The following FARP1 variants were observed in gnomAD, a reference collection of about 807,000 sequenced individuals.
FARP1 encodes FERM, ARHGEF and pleckstrin domain-containing protein 1.
A neutral mutation model predicts 128.8 loss-of-function variants in FARP1; 52 were observed. The observed-to-expected ratio is 0.40, with a 90% confidence interval of 0.32 to 0.51. The LOEUF (loss-of-function observed/expected upper bound fraction) is 0.51. Ranked by LOEUF, FARP1 falls within the 20% of genes least tolerant of loss-of-function variation. FARP1 has a pLI of 0.45. For missense variants in FARP1, 1,333 were observed against 1,367.9 expected (o/e 0.97, Z 0.40); for synonymous variants, 580 against 551.8 (o/e 1.05, Z -0.72).
chr13:98,146,748 G>T (rs1019348363), intron 1 of FARP1, among the ~76,000 whole-genome samples: 8 of 152,214 alleles, frequency 5.3e-5, no homozygotes, highest in Admixed American at 6.5e-5. Context: ...GTTACCGTTT[G>T]CCTGGGAAGG....
chr13:98,438,069 C>G (rs1217875190), intron 19 of FARP1, among the ~76,000 whole-genome samples: 1 of 152,130 alleles, frequency 6.6e-6, no homozygotes, highest in East Asian at 1.9e-4. Flanking sequence ...CACACATGCT[C>G]AAGTGTTTGT....
At chr13:98,197,094 G>A (rs772127051) in intron 1 of FARP1, among the ~76,000 whole-genome samples, 10 of 152,160 alleles carry the variant, frequency 6.6e-5, no homozygotes, top group Non-Finnish European at 8.8e-5. Context: ...TTCCCAACTT[G>A]AAGGAAGCCC....
chr13:98,415,293 C>T (rs1161796657), intron 16 of FARP1, among the ~76,000 whole-genome samples: 2 of 152,164 alleles, frequency 1.3e-5, no homozygotes, highest in Admixed American at 6.5e-5. Flanking sequence ...TTGGGGTGAT[C>T]GTGATGAATA....
intron 1 of FARP1, among the ~76,000 whole-genome samples, chr13:98,205,884 A>G (rs1347982187): frequency 6.6e-6 from 1 of 152,094 alleles, no homozygotes; most frequent in East Asian, 1.9e-4. Flanking sequence ...ATGTCTTCCC[A>G]TAGCTTCCCT....
At chr13:98,184,407 C>T (rs9556900) in intron 1 of FARP1, among the ~76,000 whole-genome samples, 16,484 of 152,164 alleles carry the variant, frequency 0.11, 1,780 homozygotes, top group East Asian at 0.57. Flanking sequence ...CCACCACGCC[C>T]GGCTGCCTTT....
intron 11 of FARP1, among the ~76,000 whole-genome samples, chr13:98,392,323 CAAAAAAAAAA>C (rs11289484): frequency 1.7e-5 from 1 of 60,410 alleles, no homozygotes; most frequent in African/African-American, 6.6e-5. Flanking sequence ...CATCTCTACC[CAAAAAAAAAA>C]AAAAAAAAAA....
At chr13:98,367,183 T>A (rs1431986045) in intron 4 of FARP1, among the ~76,000 whole-genome samples, 1 of 151,394 alleles carries the variant, frequency 6.6e-6, no homozygotes, top group Non-Finnish European at 1.5e-5. Context: ...TGAGATGGAG[T>A]CTTGCTCTCT....
At chr13:98,181,647 A>ATTT in intron 1 of FARP1, among the ~76,000 whole-genome samples, 2 of 146,134 alleles carry the variant, frequency 1.4e-5, no homozygotes, top group Admixed American at 6.9e-5. Flanking sequence ...TTTATTTGAG[A>ATTT]GAGAGAGAGA....
chr13:98,412,541 G>GT (rs760076867), intron 16 of FARP1, among the ~76,000 whole-genome samples: 3 of 152,230 alleles, frequency 2.0e-5, no homozygotes, highest in African/African-American at 7.2e-5. Flanking sequence ...ATAAGGATCT[G>GT]TTTTAATACA....
intron 25 of FARP1, 133 bp downstream of exon 25, chr13:98,446,338 G>T (rs1055473601): frequency 1.6e-6 from 1 of 637,658 alleles, no homozygotes; most frequent in Non-Finnish European, 2.8e-6. Flanking sequence ...GGATGCTGGC[G>T]GGGGGCCCTG....
At chr13:98,383,157 C>T (rs74108874) in intron 6 of FARP1, among the ~76,000 whole-genome samples, 8,500 of 152,202 alleles carry the variant, frequency 0.056, 702 homozygotes, top group African/African-American at 0.18. Context: ...ATAACTGCCT[C>T]GAATAATGAG....
rs748268963 is a variant in FARP1 at position 98,446,840 on chromosome 13, C to T, written c.3056+23C>T. On this transcript the variant is annotated intron_variant, in intron 26 of 26. Coordinates refer to ENST00000319562, the MANE Select transcript of FARP1 (RefSeq NM_005766.4). Reference sequence around the variant, plus strand: ...AAGGTAGACACCCCCTTCCCACGCACAGGGCCCTGCAGAAGAGGACCCCCT... The same window carrying T: ...AAGGTAGACACCCCCTTCCCACGCATAGGGCCCTGCAGAAGAGGACCCCCT... 1.9e-6 allele frequency: 3 copies of T among 1,612,748 alleles called. No homozygotes were observed. The African/African-American group carries it at 4.0e-5, about 21-fold the overall frequency.
rs1889739139 is a variant in FARP1 at position 98,379,014 on chromosome 13, T to G, written c.496+1096T>G. On this transcript the variant is annotated intron_variant, in intron 6 of 26. Transcript: ENST00000319562. ...TATATATAATATATACAATATATAA[T>G]CTATATATAATATATATAATATATA... 2.3e-5 allele frequency among the ~76,000 whole-genome samples: 2 copies of G among 88,618 alleles called. 1 individual carries two copies. Among genetic ancestry groups the G allele is most frequent in the Admixed American group, 2.8e-4 (2 of 7,200 alleles). 58.1% of individuals were successfully genotyped at this position (88,618 alleles called of 152,430 possible).
At chr13:98,300,624 C>T (rs1885884758) in intron 2 of FARP1, among the ~76,000 whole-genome samples, 1 of 152,232 alleles carries the variant, frequency 6.6e-6, no homozygotes, top group African/African-American at 2.4e-5. Flanking sequence ...TCCATCTCTG[C>T]AGGTGAAGCC....
chr13:98,152,730 T>C (rs1876100631), intron 1 of FARP1, among the ~76,000 whole-genome samples: 2 of 150,512 alleles, frequency 1.3e-5, no homozygotes, highest in Admixed American at 6.7e-5. Flanking sequence ...TTTAATATTA[T>C]CTATGAGAAA....
At chr13:98,215,640 T>A (rs1881015949) in intron 2 of FARP1, among the ~76,000 whole-genome samples, 1 of 152,222 alleles carries the variant, frequency 6.6e-6, no homozygotes, top group African/African-American at 2.4e-5. Flanking sequence ...CTGCCTGTTC[T>A]GTCTATATCC....
At chr13:98,328,461 A>G (rs969095255) in intron 2 of FARP1, 1 of 152,226 alleles carries the variant, frequency 6.6e-6, no homozygotes, top group African/African-American at 2.4e-5. Flanking sequence ...CACTTATCAC[A>G]CACTGTGGCT....
intron 2 of FARP1, among the ~76,000 whole-genome samples, chr13:98,317,405 T>C (rs642974): frequency 0.23 from 34,274 of 152,148 alleles, 4,152 homozygotes; most frequent in Non-Finnish European, 0.27. Context: ...CACAGCCACT[T>C]GCCCACACAA....
At chr13:98,275,626 CTCT>C (rs368590589) in intron 2 of FARP1, among the ~76,000 whole-genome samples, 32,552 of 140,168 alleles carry the variant, frequency 0.23, 3,967 homozygotes, top group South Asian at 0.41. Context: ...TTCTCTTTCT[CTCT>C]TTTTTTTTTT....
Sources: gnomAD v4.1 joint callset for allele counts (sites outside exome capture counted in the v4.1 genomes callset) on GRCh38, gnomAD v4.1.1 for gene constraint, MANE v1.5 for transcripts, NCBI Gene and HGNC (gene_info 2026-07-23, HGNC 2026-07-21) for gene names.